Variants in ZCCHC24 observed in about 807,000 individuals in gnomAD.
The protein encoded by ZCCHC24 is zinc finger CCHC-type containing 24.
Under a neutral mutation model 26.2 loss-of-function variants are expected in ZCCHC24, and 10 were observed. The observed-to-expected ratio is 0.38, with a 90% confidence interval of 0.24 to 0.65. ZCCHC24 has a LOEUF of 0.65. Among genes scored for constraint, ZCCHC24 ranks in the 30% least tolerant of loss-of-function variants. ZCCHC24 has a pLI of 0.54. For synonymous variants in ZCCHC24, 144 were observed against 147.1 expected, an observed-to-expected ratio of 0.98 and a Z score of 0.15; for missense variants, 243 against 329.1, an observed-to-expected ratio of 0.74 and a Z score of 2.03.
chr10:79,420,294 AC>A (rs1453410794), intron 2 of ZCCHC24, among the ~76,000 whole-genome samples: 1 of 151,512 alleles, frequency 6.6e-6, no homozygotes, highest in Non-Finnish European at 1.5e-5. Flanking sequence ...CCTCCCCAAG[AC>A]CCCTGAGAAA....
Position 79,427,188 on chromosome 10 carries a change from G to T in ZCCHC24, c.447+5370C>A, listed in dbSNP as rs376118535. Among the ~76,000 whole-genome samples, 205 of 152,134 alleles carry T rather than the reference G, an allele frequency of 1.3e-3. 4 individuals are homozygous for T. In the South Asian group the frequency reaches 0.041, roughly 30 times the overall value. ...GTACCTAATAATAGAACACTCAAAT[G>T]AATGAAGCAAAAACTGACAGAATTG... On this transcript the variant is annotated intron_variant, in intron 2 of 3. Coordinates refer to ENST00000372336, the MANE Select transcript of ZCCHC24 (RefSeq NM_153367.4).
At chr10:79,404,634 G>A (rs2132188224) in intron 2 of ZCCHC24, among the ~76,000 whole-genome samples, 1 of 152,214 alleles carries the variant, frequency 6.6e-6, no homozygotes, top group South Asian at 2.1e-4. Flanking sequence ...TCCCTCTTTG[G>A]GTCCCGTTTG....
At chr10:79,433,774 C>T (rs1340338180) in intron 1 of ZCCHC24, among the ~76,000 whole-genome samples, 2 of 152,176 alleles carry the variant, frequency 1.3e-5, no homozygotes, top group Admixed American at 1.3e-4. Flanking sequence ...GAGTTCCAGG[C>T]TGAAGGGGAA....
chr10:79,408,010 C>T lies in ZCCHC24; in HGVS notation c.448-13570G>A, dbSNP rs940132106. Among the ~76,000 whole-genome samples the T allele has an allele frequency of 3.9e-5, 6 of 152,332 alleles. No homozygotes were observed. The South Asian group carries it at 8.3e-4, about 21-fold the overall frequency. On this transcript the variant is annotated intron_variant, in intron 2 of 3. Coordinates refer to ENST00000372336, the MANE Select transcript of ZCCHC24 (RefSeq NM_153367.4). ...GAACAATGATCATGGAGCAGGAGGC[C>T]GGGCTGCTCAGGGGCTCCAGCCCTG... is the stretch of plus-strand genomic sequence containing the variant.
intron 1 of ZCCHC24, among the ~76,000 whole-genome samples, chr10:79,443,847 G>T (rs928402172): frequency 6.6e-6 from 1 of 152,230 alleles, no homozygotes; most frequent in Non-Finnish European, 1.5e-5. Context: ...ACCAAAGGGT[G>T]CACTTTCAGA....
At chr10:79,386,876 C>T (rs1856404952) in intron 3 of ZCCHC24, among the ~76,000 whole-genome samples, 1 of 152,132 alleles carries the variant, frequency 6.6e-6, no homozygotes. Flanking sequence ...CACGTGAGTC[C>T]AGGTTAGAGG....
intron 2 of ZCCHC24, among the ~76,000 whole-genome samples, chr10:79,418,485 G>A (rs1856894249): frequency 6.6e-6 from 1 of 152,198 alleles, no homozygotes; most frequent in Non-Finnish European, 1.5e-5. Flanking sequence ...GCCAGGACCG[G>A]CCCTGGGCTA....
Position 79,394,345 on chromosome 10 carries a change from G to A in ZCCHC24, c.543C>T (p.Ser181=), listed in dbSNP as rs73295299. The change falls in exon 3 of 4, where the codon AGC becomes AGT. Residue 181 remains serine (S), a synonymous_variant. Coordinates refer to ENST00000372336, the MANE Select transcript of ZCCHC24 (RefSeq NM_153367.4). ...GCCCCATGTTGGCCCAGGAGTTCCC[G>A]CTCATCCATTTTCTCTTGCACTTGG... is the stretch of plus-strand genomic sequence containing the variant. ...KCPKCKRKWM[S]GNSWANMGQE... 5.1e-4 allele frequency: 820 copies of A among 1,614,216 alleles called. No individual in the cohort carries two copies. The highest frequency in any genetic ancestry group is 3.8e-3 in the African/African-American group (282 of 75,066).
In ZCCHC24 at chr10:79,432,685, G is replaced by T. The variant is rs1291112956; in HGVS notation, c.320C>A (p.Ser107Tyr). Residue 107 changes from serine to tyrosine, a missense_variant, in exon 2 of 4, where the codon TCC becomes TAC. Coordinates refer to ENST00000372336, the MANE Select transcript of ZCCHC24 (RefSeq NM_153367.4). ...CAGGTCTGAGAAGTGCTCGGTGAGGGAGCTGAGGCCATCGGCGATGTTGTT... is the reference window on the plus strand; with the variant it reads ...CAGGTCTGAGAAGTGCTCGGTGAGGTAGCTGAGGCCATCGGCGATGTTGTT... ...SLNNIADGLS[S>Y]LTEHFSDLTL... 1 of 1,608,824 alleles carries T rather than the reference G, an allele frequency of 6.2e-7. No homozygotes were observed.
At chr10:79,395,452 T>C (rs1285957767) in intron 2 of ZCCHC24, among the ~76,000 whole-genome samples, 2 of 152,254 alleles carry the variant, frequency 1.3e-5, no homozygotes, top group South Asian at 2.1e-4. Flanking sequence ...TTTGTGAATA[T>C]AGAAGTGAAA....
chr10:79,436,864 G>C (rs1857223692), intron 1 of ZCCHC24, among the ~76,000 whole-genome samples: 1 of 152,218 alleles, frequency 6.6e-6, no homozygotes, highest in Non-Finnish European at 1.5e-5. Context: ...AGATCACCAG[G>C]CTTAGGGAAG....
In ZCCHC24 at chr10:79,385,914, C is replaced by G. The variant is rs1024953857; in HGVS notation, c.*431G>C. On this transcript the variant is annotated 3_prime_UTR_variant, in exon 4 of 4. Transcript: ENST00000372336. This position sits in a 1 kb window ranked among gnomAD's most constrained non-coding sequence, Gnocchi z 4.3. ...GAGTGGCTTTCCATACAGGGCAAACCGGAAGGTTCTGGGTGGGGGCAGGCG... is the reference window on the plus strand; with the variant it reads ...GAGTGGCTTTCCATACAGGGCAAACGGGAAGGTTCTGGGTGGGGGCAGGCG... 6 of 392,910 alleles carry G rather than the reference C, an allele frequency of 1.5e-5. No individual in the cohort carries two copies. Among genetic ancestry groups the G allele is most frequent in the Non-Finnish European group, 2.7e-5 (6 of 220,632 alleles). The allele number at this position is 392,910 out of a possible 1,614,324, so 24.3% of individuals were successfully genotyped here.
intron 2 of ZCCHC24, among the ~76,000 whole-genome samples, chr10:79,408,305 G>C (rs1856745358): frequency 6.6e-6 from 1 of 152,174 alleles, no homozygotes; most frequent in Non-Finnish European, 1.5e-5. Flanking sequence ...CAGTTTCCCT[G>C]CAGGGAGCTC....
At chr10:79,398,361 T>C (rs1376458485) in intron 2 of ZCCHC24, among the ~76,000 whole-genome samples, 3 of 152,206 alleles carry the variant, frequency 2.0e-5, no homozygotes. Flanking sequence ...CCCGGGGCTG[T>C]TGGGATTTGA....
chr10:79,417,690 G>T (rs1769828482), intron 2 of ZCCHC24, among the ~76,000 whole-genome samples: 2 of 152,160 alleles, frequency 1.3e-5, no homozygotes, highest in South Asian at 4.1e-4. Context: ...TGACATCCAG[G>T]TGAGTGTAAG....
At chr10:79,403,289 C>T (rs1029030902) in intron 2 of ZCCHC24, 6 of 666,464 alleles carry the variant, frequency 9.0e-6, no homozygotes, top group Admixed American at 6.3e-5. Context: ...CACTCTTAAC[C>T]CTAATGACGG....
Position 79,420,480 on chromosome 10 carries a change from T to C in ZCCHC24, c.447+12078A>G, listed in dbSNP as rs1856921044. ...AGTTTGAAACAGCGGAATTGAGGCA[T>C]AATAATAACGACAGTAGGCTGGGCA... On this transcript the variant is annotated intron_variant, in intron 2 of 3. Transcript: ENST00000372336. 2.6e-5 allele frequency among the ~76,000 whole-genome samples: 4 copies of C among 152,176 alleles called. No individual in the cohort carries two copies. In the South Asian group the frequency reaches 8.3e-4, roughly 32 times the overall value.
intron 2 of ZCCHC24, among the ~76,000 whole-genome samples, chr10:79,402,814 G>C (rs1856654549): frequency 1.3e-5 from 2 of 152,196 alleles, no homozygotes; most frequent in East Asian, 3.9e-4. Flanking sequence ...ACTTTCCACT[G>C]AATGTGCGGC....
At chr10:79,420,974 A>G (rs1856925920) in intron 2 of ZCCHC24, among the ~76,000 whole-genome samples, 1 of 152,054 alleles carries the variant, frequency 6.6e-6, no homozygotes, top group African/African-American at 2.4e-5. Flanking sequence ...GACTGAATGA[A>G]TTTTTCCCAA....
Sources: allele counts gnomAD v4.1 joint callset (sites outside exome capture counted in the v4.1 genomes callset), GRCh38; gene constraint gnomAD v4.1.1; non-coding constraint Gnocchi (gnomAD v3.1); transcripts MANE v1.5; gene names NCBI Gene and HGNC (gene_info 2026-07-23, HGNC 2026-07-21).